Variants in ERBB4 observed in about 807,000 individuals in gnomAD.
ERBB4 encodes erb-b2 receptor tyrosine kinase 4.
A neutral mutation model predicts 158.0 loss-of-function variants in ERBB4; 42 were observed. That is an observed-to-expected ratio of 0.27 (90% CI 0.21 to 0.34). The LOEUF is 0.34. Among genes scored for constraint, ERBB4 ranks in the 10% least tolerant of loss-of-function variants. ERBB4 has a pLI of 1.00. For synonymous variants in ERBB4, 583 were observed against 558.7 expected, an observed-to-expected ratio of 1.04 and a Z score of -0.61; for missense variants, 1,333 against 1,624.1, an observed-to-expected ratio of 0.82 and a Z score of 3.08.
intron 16 of ERBB4, among the ~76,000 whole-genome samples, chr2:211,637,750 C>T (rs1474652340): frequency 6.6e-6 from 1 of 151,746 alleles, no homozygotes; most frequent in African/African-American, 2.4e-5. Context: ...ATATTAAATA[C>T]AAGAAAATAG....
At chr2:212,537,964 C>T (rs1693192994) in intron 1 of ERBB4, among the ~76,000 whole-genome samples, 1 of 152,156 alleles carries the variant, frequency 6.6e-6, no homozygotes, top group Admixed American at 6.5e-5. Flanking sequence ...CAGCAGCACA[C>T]ACAGGTGCAA....
chr2:211,973,742 A>C (rs559684827), intron 2 of ERBB4, among the ~76,000 whole-genome samples: 1 of 152,212 alleles, frequency 6.6e-6, no homozygotes, highest in Admixed American at 6.5e-5. Context: ...TATATACCCA[A>C]AGGAATATAA....
At position 211,947,524 on chromosome 2, in the gene ERBB4, T is replaced by C. The variant is rs374581422; in HGVS notation, c.327A>G (p.Lys109=). 1.1e-5 allele frequency: 18 copies of C among 1,613,744 alleles called. No homozygotes were observed. The highest frequency in any genetic ancestry group is 1.7e-5 in the Admixed American group (1 of 59,948). Residue 109 remains lysine (K), a synonymous_variant, in exon 3 of 28, where the codon AAA becomes AAG. Coordinates refer to ENST00000342788, the MANE Select transcript of ERBB4 (RefSeq NM_005235.3). ...CCAAGGCATATCGATCCTCATAAAG[T>C]TTTGTCCCACGAATAATGCGTAAAT... ...LENLRIIRGT[K]LYEDRYALAI...
intron 1 of ERBB4, among the ~76,000 whole-genome samples, chr2:212,273,135 A>G (rs1190123459): frequency 6.6e-6 from 1 of 151,790 alleles, no homozygotes; most frequent in African/African-American, 2.4e-5. Context: ...TGGAAAAAGA[A>G]AGAACATAAT....
rs56007115 is a variant in ERBB4, at chr2:211,946,576, CTTTTTTTTTTTT to C, written c.421+842_421+853del. Among the ~76,000 whole-genome samples, 150 of 49,604 alleles carry C rather than the reference CTTTTTTTTTTTT, an allele frequency of 3.0e-3. 1 individual carries two copies. The highest frequency in any genetic ancestry group is 9.6e-3 in the Admixed American group (28 of 2,918). The allele number at this position is 49,604 out of a possible 152,430, so 32.5% of individuals were successfully genotyped here. Reference sequence around the variant, plus strand: ...TACTAATTATTTACTAATTAGCTCTCTTTTTTTTTTTTTTTTTTTTTTTTTTTTTGAGATGGA... The same window carrying C: ...TACTAATTATTTACTAATTAGCTCTCTTTTTTTTTTTTTTTTTGAGATGGA... On this transcript the variant is annotated intron_variant, in intron 3 of 27. Transcript: ENST00000342788.
intron 1 of ERBB4, among the ~76,000 whole-genome samples, chr2:212,352,339 CA>C (rs1172097814): frequency 7.9e-6 from 1 of 126,880 alleles, no homozygotes; most frequent in Non-Finnish European, 1.7e-5. Context: ...AAAAAAAAAA[CA>C]CTTTATTTTA....
chr2:211,983,418 CA>C (rs1391372912), intron 2 of ERBB4, among the ~76,000 whole-genome samples: 3 of 152,126 alleles, frequency 2.0e-5, no homozygotes, highest in African/African-American at 7.2e-5. Flanking sequence ...TGGTGAGAAG[CA>C]AAACTGTATT....
intron 1 of ERBB4, among the ~76,000 whole-genome samples, chr2:212,201,528 T>A (rs1185362826): frequency 6.6e-6 from 1 of 152,192 alleles, no homozygotes; most frequent in Non-Finnish European, 1.5e-5. Flanking sequence ...GAGAAAAATG[T>A]AAGACTCTAA....
chr2:211,436,411 C>T (rs1254547481), intron 20 of ERBB4, among the ~76,000 whole-genome samples: 6 of 152,020 alleles, frequency 3.9e-5, no homozygotes, highest in African/African-American at 1.4e-4. Context: ...ATGTTCTAGC[C>T]CTGTCACTCT....
intron 1 of ERBB4, among the ~76,000 whole-genome samples, chr2:212,151,796 C>T (rs533977094): frequency 6.4e-4 from 98 of 152,130 alleles, no homozygotes; most frequent in African/African-American, 2.2e-3. Context: ...GGCTGAGGCA[C>T]GAGAATCGTT....
intron 2 of ERBB4, among the ~76,000 whole-genome samples, chr2:212,093,706 A>C (rs1490829424): frequency 2.0e-5 from 3 of 152,198 alleles, no homozygotes; most frequent in Admixed American, 6.5e-5. Context: ...GTGGTGTTAT[A>C]ATAATCCTGA....
At chr2:212,482,683 C>T (rs1183649235) in intron 1 of ERBB4, among the ~76,000 whole-genome samples, 1 of 152,178 alleles carries the variant, frequency 6.6e-6, no homozygotes, top group Non-Finnish European at 1.5e-5. Flanking sequence ...GTGGTGCTAT[C>T]TCAGCTCACT....
chr2:211,880,259 T>G (rs1187233369), intron 3 of ERBB4, among the ~76,000 whole-genome samples: 2 of 152,160 alleles, frequency 1.3e-5, no homozygotes, highest in African/African-American at 4.8e-5. Flanking sequence ...TACAAAATCC[T>G]TGTCTTACGC....
At chr2:212,421,498 C>A (rs2091791772) in intron 1 of ERBB4, among the ~76,000 whole-genome samples, 1 of 152,080 alleles carries the variant, frequency 6.6e-6, no homozygotes, top group African/African-American at 2.4e-5. Context: ...ACAAGTAGTA[C>A]AAAATGTTCA....
intron 20 of ERBB4, among the ~76,000 whole-genome samples, chr2:211,469,464 A>G (rs1485562232): frequency 2.0e-5 from 3 of 152,160 alleles, no homozygotes; most frequent in African/African-American, 7.2e-5. Context: ...ATTCCAAGAC[A>G]GCTAAAACCA....
At chr2:211,726,251 T>C (rs576785479) in intron 5 of ERBB4, among the ~76,000 whole-genome samples, 10 of 152,242 alleles carry the variant, frequency 6.6e-5, no homozygotes, top group Non-Finnish European at 1.0e-4. Flanking sequence ...CTTGACAATT[T>C]TGGGGGGACT....
intron 12 of ERBB4, among the ~76,000 whole-genome samples, chr2:211,694,467 T>C (rs2072935072): frequency 6.6e-6 from 1 of 152,118 alleles, no homozygotes; most frequent in African/African-American, 2.4e-5. Context: ...CTGCTTATTA[T>C]CCTTTTGATA....
intron 20 of ERBB4, among the ~76,000 whole-genome samples, chr2:211,520,143 T>C (rs1201753263): frequency 1.3e-5 from 2 of 152,152 alleles, no homozygotes; most frequent in Non-Finnish European, 2.9e-5. Context: ...AGGTATGTAA[T>C]GTGCTTTAGC....
chr2:211,532,160 A>G (rs145533911), intron 20 of ERBB4, among the ~76,000 whole-genome samples: 22 of 148,676 alleles, frequency 1.5e-4, no homozygotes, highest in East Asian at 4.1e-4. Context: ...GTGGGGGGGG[A>G]AAGTAGGTAT....
Sources: allele counts gnomAD v4.1 joint callset (sites outside exome capture counted in the v4.1 genomes callset), GRCh38; gene constraint gnomAD v4.1.1; transcripts MANE v1.5; gene names NCBI Gene and HGNC (gene_info 2026-07-23, HGNC 2026-07-21).